The following ZFPM1 variants were observed in gnomAD, a reference collection of about 807,000 sequenced individuals.
The protein encoded by ZFPM1 is zinc finger protein ZFPM1.
Under a neutral mutation model 46.3 loss-of-function variants are expected in ZFPM1, and 28 were observed. The ratio of observed to expected loss-of-function variants is 0.60; its 90% CI spans 0.45 to 0.83. ZFPM1 has a LOEUF of 0.83. ZFPM1 is among the 40% of genes least tolerant of loss of function. ZFPM1 has a pLI of 0.00. For missense variants in ZFPM1, 1,878 were observed against 1,432.4 expected (o/e 1.31, Z -5.02); for synonymous variants, 957 against 675.9 (o/e 1.42, Z -6.45).
chr16:88,499,866 G>T (rs141390528), intron 3 of ZFPM1, among the ~76,000 whole-genome samples: 205 of 152,310 alleles, frequency 1.3e-3, no homozygotes, highest in African/African-American at 4.8e-3. Flanking sequence ...AGTCCCGTGG[G>T]CTCCCCGGCC....
intron 1 of ZFPM1, among the ~76,000 whole-genome samples, chr16:88,479,366 CACCAGGG>C (rs953691861): frequency 1.3e-5 from 2 of 152,114 alleles, no homozygotes; most frequent in Non-Finnish European, 2.9e-5. Context: ...ATCAGCCACT[CACCAGGG>C]ACCTGGGAGG....
chr16:88,527,114 G>A (rs540186560), intron 5 of ZFPM1, among the ~76,000 whole-genome samples, 198 bp downstream of exon 5: 3 of 152,270 alleles, frequency 2.0e-5, no homozygotes, highest in African/African-American at 7.2e-5. Context: ...GTCCCTGTAT[G>A]AGGGTCCCGA....
chr16:88,503,103 C>T (rs1441514376), intron 3 of ZFPM1, among the ~76,000 whole-genome samples: 1 of 152,256 alleles, frequency 6.6e-6, no homozygotes, highest in East Asian at 1.9e-4. Context: ...CAGGAACCCC[C>T]ACTGTAGCAC....
intron 6 of ZFPM1, among the ~76,000 whole-genome samples, chr16:88,529,182 C>T (rs1267965440): frequency 6.6e-6 from 1 of 152,104 alleles, no homozygotes; most frequent in African/African-American, 2.4e-5. Flanking sequence ...AAGGACAGCG[C>T]GTGGCCATCG....
In ZFPM1 at chr16:88,534,362, C is replaced by G; in HGVS notation, c.2404C>G (p.Arg802Gly). 1.4e-6 allele frequency: 2 copies of G among 1,427,024 alleles called. No homozygotes were observed. Among genetic ancestry groups the G allele is most frequent in the Non-Finnish European group, 1.8e-6 (2 of 1,094,352 alleles). The allele number at this position is 1,427,024 out of a possible 1,614,324, so 88.4% of individuals were successfully genotyped here. A position where few individuals can be genotyped will look rare whatever the true frequency, so the allele number is the denominator to read the frequency against. ...CCCCATCGACCTGAGCAAGAAGCCG[C>G]GGCGCCCGCTCCCCGGAGCCCCGGC... is the stretch of plus-strand genomic sequence containing the variant. ...DGPIDLSKKP[R>G]RPLPGAPAPA... The change falls in exon 10 of 10, where the codon CGG becomes GGG. Residue 802 changes from arginine to glycine, a missense_variant. Coordinates refer to ENST00000319555, the MANE Select transcript of ZFPM1 (RefSeq NM_153813.3).
chr16:88,473,046 C>T (rs954325882), intron 1 of ZFPM1, among the ~76,000 whole-genome samples: 6 of 152,380 alleles, frequency 3.9e-5, no homozygotes, highest in African/African-American at 1.2e-4. Context: ...GCGGCGCTGC[C>T]GTCCCCCGTG....
At position 88,532,898 on chromosome 16, in the gene ZFPM1, G is replaced by A; in HGVS notation, c.1152G>A (p.Ser384=). Residue 384 remains serine (S), a synonymous_variant, in exon 9 of 10, where the codon TCG becomes TCA. Coordinates refer to ENST00000319555, the MANE Select transcript of ZFPM1 (RefSeq NM_153813.3). ...CTGGCTCCAAGGGTGAGATCTACTC[G>A]CCAGGGGCCGGACACCCAGCAACCA... ...CQPGSKGEIY[S]PGAGHPATKL... is the part of the protein sequence containing the mutation. The A allele has an allele frequency of 5.0e-6, 8 of 1,613,262 alleles. No homozygotes were observed. The highest frequency in any genetic ancestry group is 5.9e-6 in the Non-Finnish European group (7 of 1,179,958).
At chr16:88,482,552 G>C (rs1299163671) in intron 1 of ZFPM1, among the ~76,000 whole-genome samples, 1 of 152,118 alleles carries the variant, frequency 6.6e-6, no homozygotes, top group African/African-American at 2.4e-5. Flanking sequence ...ACCTCCCTGG[G>C]TGTCTGAGGC....
chr16:88,521,225 G>A (rs978920608), intron 4 of ZFPM1, among the ~76,000 whole-genome samples: 6 of 150,960 alleles, frequency 4.0e-5, no homozygotes, highest in Non-Finnish European at 7.4e-5. Flanking sequence ...ACTCCATGCT[G>A]TTTCCCCCGC....
intron 3 of ZFPM1, among the ~76,000 whole-genome samples, chr16:88,510,875 G>C (rs1305524206): frequency 6.6e-6 from 1 of 152,196 alleles, no homozygotes; most frequent in Non-Finnish European, 1.5e-5. Flanking sequence ...CTTGAGCACA[G>C]CTGGAAAGAA....
At chr16:88,462,965 G>GC (rs34659447) in intron 1 of ZFPM1, among the ~76,000 whole-genome samples, 2,117 of 152,230 alleles carry the variant, frequency 0.014, 38 homozygotes, top group African/African-American at 0.049. Flanking sequence ...CAGGGCAGGG[G>GC]CCCCCCTCCC....
chr16:88,504,588 A>C (rs1177711009), intron 3 of ZFPM1, among the ~76,000 whole-genome samples: 2 of 152,176 alleles, frequency 1.3e-5, no homozygotes, highest in East Asian at 3.9e-4. Context: ...CCCAGGGTGC[A>C]TGGAGAAAGA....
chr16:88,533,602 G>T lies in ZFPM1; in HGVS notation c.1644G>T (p.Glu548Asp). The T allele has an allele frequency of 6.7e-7, 1 of 1,491,350 alleles. No individual in the cohort carries two copies. 92.4% of individuals were successfully genotyped at this position (1,491,350 alleles called of 1,614,324 possible). The change falls in exon 10 of 10, where the codon GAG (glutamate) becomes GAT (aspartate). Residue 548 changes from glutamate (E) to aspartate (D), a missense_variant. By Grantham distance (45) the Glu-to-Asp change is conservative. Transcript: ENST00000319555. ...PASEILAKMS[E>D]LVHSRLQQGA... ...CGGAGATCCTGGCCAAGATGTCCGA[G>T]CTGGTGCACAGCCGGCTGCAGCAGG...
intron 1 of ZFPM1, among the ~76,000 whole-genome samples, chr16:88,454,764 G>A (rs1055803317): frequency 1.3e-5 from 2 of 152,204 alleles, no homozygotes; most frequent in African/African-American, 4.8e-5. Context: ...CTTCCTCCCC[G>A]GGGCGCCTCC....
intron 3 of ZFPM1, among the ~76,000 whole-genome samples, chr16:88,491,301 C>G (rs1295583305): frequency 6.6e-6 from 1 of 152,196 alleles, no homozygotes; most frequent in Non-Finnish European, 1.5e-5. Flanking sequence ...AGAGCTCCCA[C>G]ACTCTATCAG....
intron 3 of ZFPM1, among the ~76,000 whole-genome samples, chr16:88,506,235 AGGGTAGGGTTGG>A: frequency 1.4e-5 from 1 of 69,084 alleles, no homozygotes; most frequent in Non-Finnish European, 2.7e-5. Flanking sequence ...CAGGGAGACC[AGGGTAGGGTTGG>A]GGGGCACCAG....
chr16:88,507,453 G>A (rs1263513574), intron 3 of ZFPM1, among the ~76,000 whole-genome samples: 1 of 152,164 alleles, frequency 6.6e-6, no homozygotes, highest in Non-Finnish European at 1.5e-5. Flanking sequence ...TTGATCCAGG[G>A]AACACACTGA....
At chr16:88,489,216 G>T (rs1909417679) in intron 3 of ZFPM1, 63 bp downstream of exon 3, 1 of 1,523,998 alleles carries the variant, frequency 6.6e-7, no homozygotes, top group Non-Finnish European at 8.8e-7. Context: ...CGGCCCCTGG[G>T]AGCAGGGCGA....
chr16:88,503,029 T>G (rs1910457125), intron 3 of ZFPM1, among the ~76,000 whole-genome samples: 1 of 152,120 alleles, frequency 6.6e-6, no homozygotes, highest in Non-Finnish European at 1.5e-5. Flanking sequence ...CTTCGGCAGG[T>G]GGGAGGTGGC....
Sources: gnomAD v4.1 joint callset for allele counts (sites outside exome capture counted in the v4.1 genomes callset) on GRCh38, gnomAD v4.1.1 for gene constraint, MANE v1.5 for transcripts, NCBI Gene and HGNC (gene_info 2026-07-23, HGNC 2026-07-21) for gene names.